CCDC172: variants seen among roughly 807,000 people sequenced by gnomAD.
The protein encoded by CCDC172 is coiled-coil domain-containing protein 172.
CCDC172 carries 30 observed loss-of-function variants against 38.0 expected under a neutral mutation model. That is an observed-to-expected ratio of 0.79 (90% CI 0.59 to 1.07). CCDC172 has a LOEUF of 1.07. Ranked by LOEUF, CCDC172 falls within the 50% of genes least tolerant of loss-of-function variation. The pLI, the probability that CCDC172 is intolerant of heterozygous loss-of-function variation, is 0.00. For synonymous variants in CCDC172, 78 were observed against 88.3 expected, an observed-to-expected ratio of 0.88 and a Z score of 0.66; for missense variants, 297 against 290.1, an observed-to-expected ratio of 1.02 and a Z score of -0.17.
At chr10:116,325,439 C>G in intron 3 of CCDC172, 51 bp downstream of exon 3, 1 of 1,442,026 alleles carries the variant, frequency 6.9e-7, no homozygotes. Flanking sequence ...CCTGCCTTAA[C>G]TTGACTTTTG....
chr10:116,378,463 G>A lies in CCDC172; in HGVS notation c.694G>A (p.Glu232Lys), dbSNP rs762321749. 3 of 1,603,602 alleles carry A rather than the reference G, an allele frequency of 1.9e-6. No individual in the cohort carries two copies. The highest frequency in any genetic ancestry group is 2.3e-5 in the South Asian group (2 of 88,298). The change falls in exon 8 of 9, where the codon GAA (glutamate) becomes AAA (lysine). Residue 232 changes from glutamate to lysine, a missense_variant. Coordinates refer to ENST00000333254, the MANE Select transcript of CCDC172 (RefSeq NM_198515.3). ...ELELYKEDDM[E>K]SVYEALQTEI... ...AGAACTTTATAAGGAAGATGACATGGAAAGTGTTTATGAAGCTCTCCAAAC... is the reference window on the plus strand; with the variant it reads ...AGAACTTTATAAGGAAGATGACATGAAAAGTGTTTATGAAGCTCTCCAAAC...
At chr10:116,327,910 A>G (rs1844610746) in intron 3 of CCDC172, among the ~76,000 whole-genome samples, 1 of 152,140 alleles carries the variant, frequency 6.6e-6, no homozygotes. Flanking sequence ...ATGTCTGCCA[A>G]TAACAATGAA....
intron 8 of CCDC172, 111 bp from the exon 9 acceptor site, chr10:116,379,212 T>C (rs111564558): frequency 1.8e-6 from 1 of 542,392 alleles, no homozygotes; most frequent in African/African-American, 2.0e-5. Context: ...ATAAAAAATA[T>C]AATTAAGAAA....
At chr10:116,359,854 T>C (rs773917140) in intron 7 of CCDC172, among the ~76,000 whole-genome samples, 18 of 152,226 alleles carry the variant, frequency 1.2e-4, no homozygotes, top group Non-Finnish European at 2.1e-4. Context: ...ACGATTATGG[T>C]TCATGTTTTA....
Position 116,379,363 on chromosome 10 carries a change from C to CAG in CCDC172, c.*9_*10dup, listed in dbSNP as rs141092544. ...GATCTTCAGGAAAGCAAATAACTTA[C>CAG]AGAGAATTGATCAGCCATCTGAGAT... is the stretch of plus-strand genomic sequence containing the variant. On this transcript the variant is annotated 3_prime_UTR_variant, in exon 9 of 9. Transcript: ENST00000333254. 1.6e-4 allele frequency: 259 copies of CAG among 1,576,496 alleles called. No individual in the cohort carries two copies. The African/African-American group carries it at 3.2e-3, about 19-fold the overall frequency.
At position 116,340,749 on chromosome 10, in the gene CCDC172, G is replaced by T. The variant is rs1395734271; in HGVS notation, c.181G>T (p.Glu61Ter). The T allele has an allele frequency of 6.3e-7, 1 of 1,579,832 alleles. No individual in the cohort carries two copies. The highest frequency in any genetic ancestry group is 1.4e-5 in the African/African-American group (1 of 73,150). Reference protein sequence around the residue: ...KLESKVQQFFEKSFFLQLLKA... With the variant: ...KLESKVQQFF Reference sequence around the variant, plus strand: ...TACTTTGAAGGTTCAACAGTTTTTTGAAAAATCCTTCTTCTTACAGCTTTT... The same window carrying T: ...TACTTTGAAGGTTCAACAGTTTTTTTAAAAATCCTTCTTCTTACAGCTTTT... Residue 61 changes from glutamate (E) to a stop codon, truncating the protein, a stop_gained, in exon 4 of 9, where the codon GAA becomes TAA. Transcript: ENST00000333254. LOFTEE classifies it high-confidence loss of function.
chr10:116,335,159 C>T (rs534533468), intron 3 of CCDC172, among the ~76,000 whole-genome samples: 13 of 152,054 alleles, frequency 8.5e-5, no homozygotes, highest in African/African-American at 3.1e-4. Flanking sequence ...CTGTCCCACT[C>T]CAAGATTTTA....
At chr10:116,326,558 T>C (rs994763441) in intron 3 of CCDC172, among the ~76,000 whole-genome samples, 2 of 152,190 alleles carry the variant, frequency 1.3e-5, no homozygotes, top group African/African-American at 4.8e-5. Flanking sequence ...AGCTTTTCTT[T>C]CCAGGTGTTG....
intron 5 of CCDC172, among the ~76,000 whole-genome samples, chr10:116,344,028 T>C (rs2134927323): frequency 6.6e-6 from 1 of 152,312 alleles, no homozygotes; most frequent in Middle Eastern, 3.4e-3. Context: ...AGTTGTTTAT[T>C]TTAATTCCAG....
chr10:116,366,443 A>G (rs548870611), intron 7 of CCDC172, among the ~76,000 whole-genome samples: 16 of 152,274 alleles, frequency 1.1e-4, no homozygotes, highest in East Asian at 7.7e-4. Context: ...CTATACATAC[A>G]TGCACAATCT....
At chr10:116,328,124 A>AT (rs1008803777) in intron 3 of CCDC172, among the ~76,000 whole-genome samples, 3 of 151,858 alleles carry the variant, frequency 2.0e-5, no homozygotes, top group African/African-American at 7.2e-5. Flanking sequence ...TACAGTATTC[A>AT]TTTTTTTTCT....
Position 116,363,133 on chromosome 10 carries a change from C to T in CCDC172, c.653+5195C>T, listed in dbSNP as rs73375749. Reference sequence around the variant, plus strand: ...CATACAGATTTCTTTTTTCATTTTCCTATGTTTATCTTTATAAATCAACCC... The same window carrying T: ...CATACAGATTTCTTTTTTCATTTTCTTATGTTTATCTTTATAAATCAACCC... On this transcript the variant is annotated intron_variant, in intron 7 of 8. Transcript: ENST00000333254. Among the ~76,000 whole-genome samples, 804 of 151,832 alleles carry T rather than the reference C, an allele frequency of 5.3e-3. 8 individuals are homozygous for T. Among genetic ancestry groups the T allele is most frequent in the African/African-American group, 0.018 (757 of 41,430 alleles).
chr10:116,355,580 T>C (rs991811282), intron 5 of CCDC172, among the ~76,000 whole-genome samples: 7 of 152,094 alleles, frequency 4.6e-5, no homozygotes, highest in Non-Finnish European at 5.9e-5. Context: ...GTCAATCACG[T>C]GAGGAATCCA....
intron 3 of CCDC172, among the ~76,000 whole-genome samples, chr10:116,335,983 A>G (rs1157559622): frequency 6.6e-6 from 1 of 152,036 alleles, no homozygotes; most frequent in Non-Finnish European, 1.5e-5. Flanking sequence ...CCTGGCCAAC[A>G]TGGCGAAACC....
At chr10:116,372,095 G>A (rs1374009112) in intron 7 of CCDC172, among the ~76,000 whole-genome samples, 1 of 152,010 alleles carries the variant, frequency 6.6e-6, no homozygotes, top group Non-Finnish European at 1.5e-5. Context: ...GCTGAAGTTA[G>A]ATGTTTATTT....
intron 7 of CCDC172, among the ~76,000 whole-genome samples, chr10:116,358,200 C>T (rs1358572737): frequency 6.6e-6 from 1 of 152,044 alleles, no homozygotes; most frequent in Non-Finnish European, 1.5e-5. Flanking sequence ...GTATTTTTCA[C>T]ATCCCAAGAG....
chr10:116,336,104 T>A (rs1419397414), intron 3 of CCDC172, among the ~76,000 whole-genome samples: 4 of 151,870 alleles, frequency 2.6e-5, no homozygotes, highest in Non-Finnish European at 4.4e-5. Context: ...GAGGCGGAGG[T>A]TGCAGTGAGC....
At chr10:116,327,732 C>T (rs1379212742) in intron 3 of CCDC172, among the ~76,000 whole-genome samples, 1 of 151,946 alleles carries the variant, frequency 6.6e-6, no homozygotes, top group East Asian at 1.9e-4. Context: ...TCATACAATA[C>T]TAATTTATAA....
chr10:116,363,918 C>T (rs551488355), intron 7 of CCDC172, among the ~76,000 whole-genome samples: 5 of 144,830 alleles, frequency 3.5e-5, no homozygotes, highest in South Asian at 2.2e-4. Flanking sequence ...GCAACAGGAG[C>T]GAGACTTGGT....
Sources: allele counts gnomAD v4.1 joint callset (sites outside exome capture counted in the v4.1 genomes callset), GRCh38; gene constraint gnomAD v4.1.1; transcripts MANE v1.5; gene names NCBI Gene and HGNC (gene_info 2026-07-23, HGNC 2026-07-21).